Variants in TENT4B observed in about 807,000 individuals in gnomAD.
TENT4B encodes PAP associated domain containing 5.
A neutral mutation model predicts 75.0 loss-of-function variants in TENT4B; 10 were observed. The ratio of observed to expected loss-of-function variants is 0.13; its 90% CI spans 0.08 to 0.23. The LOEUF (loss-of-function observed/expected upper bound fraction) is 0.23. TENT4B is among the 10% of genes least tolerant of loss of function. TENT4B has a pLI of 1.00. For synonymous variants in TENT4B, 350 were observed against 357.7 expected (o/e 0.98, Z 0.24); for missense variants, 579 against 893.8 (o/e 0.65, Z 4.49).
At chr16:50,206,912 T>TC (rs981861446) in intron 1 of TENT4B, among the ~76,000 whole-genome samples, 1 of 151,226 alleles carries the variant, frequency 6.6e-6, no homozygotes, top group Non-Finnish European at 1.5e-5. Flanking sequence ...GAAGTTTGTT[T>TC]TTTTTTTTTA....
At position 50,153,436 on chromosome 16, in the gene TENT4B, C is replaced by G. The variant is rs1040154525; in HGVS notation, c.-186C>G. Among the ~76,000 whole-genome samples the G allele has an allele frequency of 1.4e-5, 2 of 146,438 alleles. No homozygotes were observed. The highest frequency in any genetic ancestry group is 6.8e-5 in the Admixed American group (1 of 14,760). On this transcript the variant is annotated 5_prime_UTR_variant, in exon 1 of 12. Transcript: ENST00000561678. ...GAGCCCCCGAGGGCGGGAGCGACGC[C>G]GCCGGCGCCGGCCGGGCTCCCTGCG...
At chr16:50,201,989 C>T (rs1384432017) in intron 1 of TENT4B, among the ~76,000 whole-genome samples, 1 of 151,682 alleles carries the variant, frequency 6.6e-6, no homozygotes, top group Non-Finnish European at 1.5e-5. Flanking sequence ...AAAAAAATAC[C>T]AGCACTTAGC....
At chr16:50,171,941 C>T (rs1052269987) in intron 1 of TENT4B, among the ~76,000 whole-genome samples, 14 of 151,716 alleles carry the variant, frequency 9.2e-5, no homozygotes, top group African/African-American at 1.2e-4. Flanking sequence ...AGTGAGCTAA[C>T]GCAGCAGAGG....
In TENT4B at chr16:50,232,835, T is replaced by G. The variant is rs2032336079; in HGVS notation, c.*3507T>G. On this transcript the variant is annotated 3_prime_UTR_variant, in exon 12 of 12. Transcript: ENST00000561678. ...CTATAGTTTGATCAGTTCCTTGAAT[T>G]CTAATATGTTGATTTCTCAGTGTTT... 1.0e-6 allele frequency: 1 copy of G among 985,258 alleles called. No individual in the cohort carries two copies. Among genetic ancestry groups the G allele is most frequent in the South Asian group, 4.7e-5 (1 of 21,286 alleles). 61.0% of individuals were successfully genotyped at this position (985,258 alleles called of 1,614,324 possible). A position where few individuals can be genotyped will look rare whatever the true frequency, so the allele number is the denominator to read the frequency against.
rs2032334231 is a variant in TENT4B, at chr16:50,232,777, A to T, written c.*3449A>T. Reference sequence around the variant, plus strand: ...GATGTTGCTGATACTTTTATTGGTCATGACTACATCTCAGTTTTACTTTAA... The same window carrying T: ...GATGTTGCTGATACTTTTATTGGTCTTGACTACATCTCAGTTTTACTTTAA... On this transcript the variant is annotated 3_prime_UTR_variant, in exon 12 of 12. Transcript: ENST00000561678. 1.0e-6 allele frequency: 1 copy of T among 985,224 alleles called. No individual in the cohort carries two copies. The highest frequency in any genetic ancestry group is 1.2e-6 in the Non-Finnish European group (1 of 829,822). The allele number at this position is 985,224 out of a possible 1,614,324, so 61.0% of individuals were successfully genotyped here. A position where few individuals can be genotyped will look rare whatever the true frequency, so the allele number is the denominator to read the frequency against.
chr16:50,193,109 A>G (rs554086193), intron 1 of TENT4B, among the ~76,000 whole-genome samples: 1 of 152,162 alleles, frequency 6.6e-6, no homozygotes, highest in Non-Finnish European at 1.5e-5. Context: ...GGACTATACA[A>G]AAATCAGAGG....
Position 50,153,490 on chromosome 16 carries a change from G to A in TENT4B, c.-132G>A. 1.0e-6 allele frequency: 1 copy of A among 952,394 alleles called. No individual in the cohort carries two copies. The highest frequency in any genetic ancestry group is 1.2e-6 in the Non-Finnish European group (1 of 804,898). 59.0% of individuals were successfully genotyped at this position (952,394 alleles called of 1,614,324 possible). On this transcript the variant is annotated 5_prime_UTR_variant, in exon 1 of 12. Coordinates refer to ENST00000561678, the MANE Select transcript of TENT4B (RefSeq NM_001365324.3). Reference sequence around the variant, plus strand: ...CCGCGCCGCCCGCGGCGGGCCCCGAGCAGCAGCAGCAGCAGCAGCGGCAGC... The same window carrying A: ...CCGCGCCGCCCGCGGCGGGCCCCGAACAGCAGCAGCAGCAGCAGCGGCAGC...
chr16:50,234,127 C>T lies in TENT4B; in HGVS notation c.*4799C>T, dbSNP rs1047988115. 16 of 985,250 alleles carry T rather than the reference C, an allele frequency of 1.6e-5. No individual in the cohort carries two copies. The highest frequency in any genetic ancestry group is 4.7e-5 in the South Asian group (1 of 21,286). The allele number at this position is 985,250 out of a possible 1,614,324, so 61.0% of individuals were successfully genotyped here. A position where few individuals can be genotyped will look rare whatever the true frequency, so the allele number is the denominator to read the frequency against. On this transcript the variant is annotated 3_prime_UTR_variant, in exon 12 of 12. Transcript: ENST00000561678. Reference sequence around the variant, plus strand: ...ATCTTAAAGATGCCTAGAAACAAAACGCATATAGTACCAGTGAGAAACTAT... The same window carrying T: ...ATCTTAAAGATGCCTAGAAACAAAATGCATATAGTACCAGTGAGAAACTAT...
Position 50,225,165 on chromosome 16 carries a change from A to C in TENT4B, c.1680A>C (p.Glu560Asp), listed in dbSNP as rs747373187. 3 of 1,613,576 alleles carry C rather than the reference A, an allele frequency of 1.9e-6. No homozygotes were observed. The African/African-American group carries it at 4.0e-5, about 22-fold the overall frequency. Residue 560 changes from glutamate (E) to aspartate (D), a missense_variant, in exon 10 of 12, where the codon GAA (glutamate) becomes GAC (aspartate). Physicochemically the swap from Glu to Asp is conservative, Grantham distance 45. Around this residue, in one of 7 missense-constraint regions of TENT4B, gnomAD observed 164 missense variants for 226.5 expected, o/e 0.72. Coordinates refer to ENST00000561678, the MANE Select transcript of TENT4B (RefSeq NM_001365324.3). Reference sequence around the variant, plus strand: ...AATGTAATAATAATCTATCTGAAGAAAATGAAGCCCTTGGAAAATGTAGAA... The same window carrying C: ...AATGTAATAATAATCTATCTGAAGACAATGAAGCCCTTGGAAAATGTAGAA... ...LDKCNNNLSEENEALGKCRSK... is the reference protein window; with the variant it reads ...LDKCNNNLSEDNEALGKCRSK...
chr16:50,215,943 A>G, intron 3 of TENT4B, 132 bp from the exon 4 acceptor site: 1 of 1,055,580 alleles, frequency 9.5e-7, no homozygotes, highest in Non-Finnish European at 1.4e-6. Context: ...ATTATCACCA[A>G]CACATTTAGT....
chr16:50,229,577 C>A lies in TENT4B; in HGVS notation c.*249C>A. On this transcript the variant is annotated 3_prime_UTR_variant, in exon 12 of 12. Coordinates refer to ENST00000561678, the MANE Select transcript of TENT4B (RefSeq NM_001365324.3). Reference sequence around the variant, plus strand: ...GGCTGCTTATTTGATAAGTCATATGCTACAACAGGGTCATTTTAAGATTTA... The same window carrying A: ...GGCTGCTTATTTGATAAGTCATATGATACAACAGGGTCATTTTAAGATTTA... The A allele has an allele frequency of 8.3e-7, 1 of 1,212,088 alleles. No individual in the cohort carries two copies. The highest frequency in any genetic ancestry group is 1.0e-6 in the Non-Finnish European group (1 of 976,982). The allele number at this position is 1,212,088 out of a possible 1,614,324, so 75.1% of individuals were successfully genotyped here. A position where few individuals can be genotyped will look rare whatever the true frequency, so the allele number is the denominator to read the frequency against.
At chr16:50,227,761 C>A in intron 10 of TENT4B, 78 bp from the exon 11 acceptor site, 1 of 1,523,606 alleles carries the variant, frequency 6.6e-7, no homozygotes. Flanking sequence ...GTACTTTAAC[C>A]AAAATTGTTT....
At chr16:50,173,373 T>C (rs1356649250) in intron 1 of TENT4B, among the ~76,000 whole-genome samples, 1 of 152,206 alleles carries the variant, frequency 6.6e-6, no homozygotes, top group African/African-American at 2.4e-5. Context: ...TATAAACATC[T>C]GTGTGTAGGT....
At chr16:50,155,744 T>C (rs886447924) in intron 1 of TENT4B, among the ~76,000 whole-genome samples, 15 of 152,174 alleles carry the variant, frequency 9.9e-5, no homozygotes, top group Admixed American at 3.3e-4. Flanking sequence ...TGTGGTTCCA[T>C]CCTGTTAGCA....
intron 1 of TENT4B, among the ~76,000 whole-genome samples, chr16:50,209,879 T>G (rs1196432355): frequency 6.6e-6 from 1 of 152,244 alleles, no homozygotes; most frequent in Non-Finnish European, 1.5e-5. Flanking sequence ...GTTATAGTCT[T>G]TGGGGATTGG....
chr16:50,186,191 T>C (rs963070840), intron 1 of TENT4B, among the ~76,000 whole-genome samples: 2 of 152,154 alleles, frequency 1.3e-5, no homozygotes, highest in Non-Finnish European at 2.9e-5. Flanking sequence ...TCTGTACTCA[T>C]TAAACAATAG....
At chr16:50,170,742 C>G (rs1215605318) in intron 1 of TENT4B, among the ~76,000 whole-genome samples, 3 of 151,874 alleles carry the variant, frequency 2.0e-5, no homozygotes, top group African/African-American at 7.3e-5. Context: ...TCTCGGTTCA[C>G]CACAACCTCC....
intron 1 of TENT4B, among the ~76,000 whole-genome samples, chr16:50,195,421 C>T (rs2030164910): frequency 6.6e-6 from 1 of 152,056 alleles, no homozygotes; most frequent in African/African-American, 2.4e-5. Flanking sequence ...CTATTAATGA[C>T]TGTGTTAAGC....
chr16:50,153,058 C>G (rs549593586), upstream of TENT4B: 1 of 1,466,292 alleles, frequency 6.8e-7, no homozygotes, highest in South Asian at 1.3e-5. Context: ...CCACAGATGG[C>G]GCAAGTACGG....
Sources: allele counts gnomAD v4.1 joint callset (sites outside exome capture counted in the v4.1 genomes callset), GRCh38; gene constraint gnomAD v4.1.1; regional missense constraint gnomAD v4.1.1; transcripts MANE v1.5; gene names NCBI Gene and HGNC (gene_info 2026-07-23, HGNC 2026-07-21).